The following ENPP6 variants were observed in gnomAD, a reference collection of about 807,000 sequenced individuals.
ENPP6 encodes ectonucleotide pyrophosphatase/phosphodiesterase 6.
A neutral mutation model predicts 42.0 loss-of-function variants in ENPP6; 32 were observed. That is an observed-to-expected ratio of 0.76 (90% CI 0.58 to 1.02). ENPP6 has a LOEUF of 1.02. Ranked by LOEUF, ENPP6 falls within the 50% of genes least tolerant of loss-of-function variation. The pLI is 0.00. For synonymous variants in ENPP6, 213 were observed against 216.0 expected, an observed-to-expected ratio of 0.99 and a Z score of 0.12; for missense variants, 552 against 566.8, an observed-to-expected ratio of 0.97 and a Z score of 0.27.
chr4:184,169,762 A>G (rs1737427357), intron 1 of ENPP6, among the ~76,000 whole-genome samples: 1 of 152,212 alleles, frequency 6.6e-6, no homozygotes, highest in Admixed American at 6.5e-5. Flanking sequence ...CAAATCTCAC[A>G]AGCGACTTTG....
intron 2 of ENPP6, among the ~76,000 whole-genome samples, chr4:184,131,076 C>T (rs1736602173): frequency 1.3e-5 from 2 of 152,176 alleles, no homozygotes; most frequent in East Asian, 3.8e-4. Context: ...ATACAGTCAA[C>T]TTTATAAGAT....
intron 7 of ENPP6, 109 bp from the exon 8 acceptor site, chr4:184,091,491 G>T: frequency 9.9e-7 from 1 of 1,011,192 alleles, no homozygotes; most frequent in Non-Finnish European, 1.5e-6. Context: ...ATTGAGATTA[G>T]GGAATCAGCT....
At chr4:184,136,153 C>T (rs1340430672) in intron 2 of ENPP6, among the ~76,000 whole-genome samples, 2 of 150,366 alleles carry the variant, frequency 1.3e-5, no homozygotes, top group Non-Finnish European at 3.0e-5. Flanking sequence ...TGCAAAGGGC[C>T]CCAGCGATGA....
In ENPP6 at chr4:184,131,201, CTTCT is replaced by C. The variant is rs1277280890; in HGVS notation, c.422-6933_422-6930del. On this transcript the variant is annotated intron_variant, in intron 2 of 7. Coordinates refer to ENST00000296741, the MANE Select transcript of ENPP6 (RefSeq NM_153343.4). The stretch of plus-strand genomic sequence containing the variant: ...TCTTTCTTTCTTTCTTTCTTTCTTT[CTTCT>C]TTCTTTCTTTCTTTTTCTTTCTTTC... Among the ~76,000 whole-genome samples, 135 of 70,680 alleles carry C rather than the reference CTTCT, an allele frequency of 1.9e-3. 8 individuals are homozygous for C. Among genetic ancestry groups the C allele is most frequent in the African/African-American group, 6.3e-3 (109 of 17,318 alleles). The allele number at this position is 70,680 out of a possible 152,430, so 46.4% of individuals were successfully genotyped here.
rs1281392502 is a variant in ENPP6 at position 184,090,957 on chromosome 4, A to G, written c.*220T>C. On this transcript the variant is annotated 3_prime_UTR_variant, in exon 8 of 8. Transcript: ENST00000296741. ...AAATGACATATAACTGCACAAATGG[A>G]AAGCTAGGATTTTCCTACCTTCTGG... The G allele has an allele frequency of 6.3e-6, 3 of 474,284 alleles. No homozygotes were observed. Among genetic ancestry groups the G allele is most frequent in the African/African-American group, 6.0e-5 (3 of 49,982 alleles). The allele number at this position is 474,284 out of a possible 1,614,324, so 29.4% of individuals were successfully genotyped here.
chr4:184,118,305 G>A (rs1579618175), intron 3 of ENPP6, among the ~76,000 whole-genome samples: 1 of 152,160 alleles, frequency 6.6e-6, no homozygotes. Flanking sequence ...GGAAAAATCC[G>A]ATTAAACTCA....
intron 7 of ENPP6, among the ~76,000 whole-genome samples, chr4:184,091,741 TA>T (rs1245896121): frequency 1.3e-5 from 2 of 151,942 alleles, no homozygotes; most frequent in Non-Finnish European, 1.5e-5. Context: ...ACACTATCTC[TA>T]AAAAAAATTT....
At chr4:184,131,954 T>C (rs546174148) in intron 2 of ENPP6, among the ~76,000 whole-genome samples, 221 of 152,196 alleles carry the variant, frequency 1.5e-3, no homozygotes, top group African/African-American at 4.7e-3. Flanking sequence ...TCAGTCCTAA[T>C]TCAGTCCTAA....
chr4:184,138,430 T>C (rs1736766043), intron 2 of ENPP6, among the ~76,000 whole-genome samples: 1 of 152,350 alleles, frequency 6.6e-6, no homozygotes, highest in Admixed American at 6.5e-5. Context: ...GAAACATCTT[T>C]TCTTTTAAGT....
At chr4:184,175,478 TG>T (rs1737545835) in intron 1 of ENPP6, among the ~76,000 whole-genome samples, 1 of 152,128 alleles carries the variant, frequency 6.6e-6, no homozygotes, top group African/African-American at 2.4e-5. Context: ...CACTATGAGT[TG>T]ATGTCATGGC....
chr4:184,174,135 CTTTTT>C (rs36058407), intron 1 of ENPP6, among the ~76,000 whole-genome samples: 1 of 130,998 alleles, frequency 7.6e-6, no homozygotes, highest in Admixed American at 7.7e-5. Flanking sequence ...GTCCCAAATC[CTTTTT>C]TTTTTTTTTT....
chr4:184,107,653 C>T (rs879583971), intron 6 of ENPP6, among the ~76,000 whole-genome samples: 4 of 152,006 alleles, frequency 2.6e-5, no homozygotes, highest in Non-Finnish European at 5.9e-5. Context: ...TGGTGGCTCA[C>T]GCCTGTAATC....
chr4:184,102,343 A>G (rs999644729), intron 6 of ENPP6, among the ~76,000 whole-genome samples: 1 of 152,154 alleles, frequency 6.6e-6, no homozygotes, highest in African/African-American at 2.4e-5. Context: ...CGAGGCGAGG[A>G]GCACTGAGTG....
intron 1 of ENPP6, among the ~76,000 whole-genome samples, chr4:184,177,680 G>C (rs746231781): frequency 6.6e-6 from 1 of 151,902 alleles, no homozygotes; most frequent in African/African-American, 2.4e-5. Flanking sequence ...CATCTTTGCT[G>C]TTCTGCAGCC....
chr4:184,124,404 T>C, intron 2 of ENPP6, 132 bp from the exon 3 acceptor site: 1 of 642,084 alleles, frequency 1.6e-6, no homozygotes. Context: ...TGAACTAAAA[T>C]AACTTATTGC....
Position 184,159,513 on chromosome 4 carries a change from A to G in ENPP6, c.242-5780T>C, listed in dbSNP as rs553922274. On this transcript the variant is annotated intron_variant, in intron 1 of 7. Transcript: ENST00000296741. ...GCATAGTGATAAATAGTCCTAGTGGACTGAGGACTAGCAAGGAAGTTTATA... is the reference window on the plus strand; with the variant it reads ...GCATAGTGATAAATAGTCCTAGTGGGCTGAGGACTAGCAAGGAAGTTTATA... Among the ~76,000 whole-genome samples the G allele has an allele frequency of 2.0e-5, 3 of 152,356 alleles. No homozygotes were observed. The East Asian group carries it at 5.8e-4, about 29-fold the overall frequency.
intron 1 of ENPP6, among the ~76,000 whole-genome samples, chr4:184,158,394 A>C (rs1426114755): frequency 6.6e-6 from 1 of 152,182 alleles, no homozygotes; most frequent in Non-Finnish European, 1.5e-5. Context: ...AAGCTATCTT[A>C]ATAATCAGCG....
At position 184,090,906 on chromosome 4, in the gene ENPP6, C is replaced by T; in HGVS notation, c.*271G>A. On this transcript the variant is annotated 3_prime_UTR_variant, in exon 8 of 8. Transcript: ENST00000296741. ...GCAGGTCCCTGCTCAGAGAGTTCATCCTGAGTAACGTGAAAAGAAAGGAGA... is the reference window on the plus strand; with the variant it reads ...GCAGGTCCCTGCTCAGAGAGTTCATTCTGAGTAACGTGAAAAGAAAGGAGA... The T allele has an allele frequency of 2.2e-6, 1 of 452,768 alleles. No homozygotes were observed. The highest frequency in any genetic ancestry group is 3.8e-6 in the Non-Finnish European group (1 of 259,886). 28.0% of individuals were successfully genotyped at this position (452,768 alleles called of 1,614,324 possible).
intron 1 of ENPP6, among the ~76,000 whole-genome samples, chr4:184,160,715 G>C (rs984305146): frequency 3.3e-5 from 5 of 151,592 alleles, no homozygotes; most frequent in Admixed American, 6.6e-5. Context: ...TCTCTCTTGA[G>C]CTCTCCGTAT....
Sources: allele counts gnomAD v4.1 joint callset (sites outside exome capture counted in the v4.1 genomes callset), GRCh38; gene constraint gnomAD v4.1.1; transcripts MANE v1.5; gene names NCBI Gene and HGNC (gene_info 2026-07-23, HGNC 2026-07-21).